The following CTNNA2 variants were observed in gnomAD, a reference collection of about 807,000 sequenced individuals.
CTNNA2 encodes the protein catenin alpha-2.
CTNNA2 carries 42 observed loss-of-function variants against 101.0 expected under a neutral mutation model. The observed-to-expected ratio is 0.42, with a 90% CI of 0.32 to 0.54. The LOEUF is 0.54. CTNNA2 is among the 20% of genes least tolerant of loss of function. The pLI is 0.14. For synonymous variants in CTNNA2, 450 were observed against 456.4 expected (o/e 0.99, Z 0.18); for missense variants, 871 against 1,223.1 (o/e 0.71, Z 4.29).
chr2:79,299,773 C>T (rs573353684), intron 2 of CTNNA2, among the ~76,000 whole-genome samples: 4 of 152,238 alleles, frequency 2.6e-5, no homozygotes, highest in Admixed American at 2.6e-4. Flanking sequence ...AGACCTTAAG[C>T]AAAATTCTAA....
intron 7 of CTNNA2, among the ~76,000 whole-genome samples, chr2:80,079,589 A>G (rs570345279): frequency 1.3e-5 from 2 of 152,210 alleles, no homozygotes; most frequent in Admixed American, 6.5e-5. Context: ...TGAGGCGGGC[A>G]GATCACAAGG....
rs889322477 is a variant in CTNNA2 at position 80,362,707 on chromosome 2, G to A, written c.1057-30504G>A. Among the ~76,000 whole-genome samples, 5 of 152,154 alleles carry A rather than the reference G, an allele frequency of 3.3e-5. No homozygotes were observed. The East Asian group carries it at 7.7e-4, about 24-fold the overall frequency. Reference sequence around the variant, plus strand: ...AAAATGTGTCAGCTCTACATTTATCGGTTGGAGTTGAACATTTACTCTCTC... The same window carrying A: ...AAAATGTGTCAGCTCTACATTTATCAGTTGGAGTTGAACATTTACTCTCTC... On this transcript the variant is annotated intron_variant, in intron 7 of 18. Coordinates refer to ENST00000402739, the MANE Select transcript of CTNNA2 (RefSeq NM_001282597.3).
chr2:79,846,967 A>G (rs1360643089), intron 3 of CTNNA2, among the ~76,000 whole-genome samples: 1 of 152,228 alleles, frequency 6.6e-6, no homozygotes, highest in Non-Finnish European at 1.5e-5. Context: ...TAGTGTGGGA[A>G]CAAACAAATC....
chr2:79,669,101 T>G (rs1682647376), intron 2 of CTNNA2, among the ~76,000 whole-genome samples: 1 of 152,216 alleles, frequency 6.6e-6, no homozygotes, highest in Admixed American at 6.5e-5. Context: ...GAAGCATTAG[T>G]ACATTTTGAA....
intron 1 of CTNNA2, among the ~76,000 whole-genome samples, chr2:79,564,802 TTTC>T (rs1042351912): frequency 7.2e-5 from 11 of 152,274 alleles, no homozygotes; most frequent in South Asian, 4.1e-4. Flanking sequence ...AAGTTATATT[TTTC>T]TTCTTCTTCT....
chr2:80,097,340 C>G (rs568337656), intron 7 of CTNNA2, among the ~76,000 whole-genome samples: 1 of 152,316 alleles, frequency 6.6e-6, no homozygotes, highest in East Asian at 1.9e-4. Context: ...GGCCCCCATT[C>G]TTTTCTCGCT....
rs1685216818 is a variant in CTNNA2, at chr2:80,470,539, G to T, written c.1290+50938G>T. 2.0e-5 allele frequency among the ~76,000 whole-genome samples: 3 copies of T among 152,070 alleles called. No individual in the cohort carries two copies. The South Asian group carries it at 6.2e-4, about 32-fold the overall frequency. The stretch of plus-strand genomic sequence containing the variant: ...TCCCCTACACCCAGCTCTCCTCCTG[G>T]CCAGGGTCTTGCTCTATACTGGACT... On this transcript the variant is annotated intron_variant, in intron 9 of 18. Transcript: ENST00000402739.
chr2:80,648,517 T>TAAAC lies in CTNNA2; in HGVS notation c.*647_*650dup, dbSNP rs1358098990. On this transcript the variant is annotated 3_prime_UTR_variant, in exon 19 of 19. Coordinates refer to ENST00000402739, the MANE Select transcript of CTNNA2 (RefSeq NM_001282597.3). ...TTTTTCCCCCCTTTAATGAAAACAATAAACATCTATTTGAGACAATTAAAA... is the reference window on the plus strand; with the variant it reads ...TTTTTCCCCCCTTTAATGAAAACAATAAACAAACATCTATTTGAGACAATTAAAA... 2 of 152,584 alleles carry TAAAC rather than the reference T, an allele frequency of 1.3e-5. No homozygotes were observed. Among genetic ancestry groups the TAAAC allele is most frequent in the African/African-American group, 2.4e-5 (1 of 41,440 alleles). 9.5% of individuals were successfully genotyped at this position (152,584 alleles called of 1,614,324 possible).
intron 7 of CTNNA2, among the ~76,000 whole-genome samples, chr2:79,928,346 T>C (rs1687169416): frequency 2.0e-5 from 3 of 152,338 alleles, no homozygotes; most frequent in South Asian, 2.1e-4. Flanking sequence ...GTATCCATTT[T>C]ATACAAAACA....
At chr2:79,728,603 G>T (rs1050792640) in intron 2 of CTNNA2, among the ~76,000 whole-genome samples, 47 of 152,180 alleles carry the variant, frequency 3.1e-4, no homozygotes, top group African/African-American at 4.1e-4. Context: ...GTCAATTTTG[G>T]CTTTTGTTGC....
intron 7 of CTNNA2, among the ~76,000 whole-genome samples, chr2:80,246,889 T>C (rs1331535080): frequency 6.6e-6 from 1 of 152,212 alleles, no homozygotes; most frequent in African/African-American, 2.4e-5. Context: ...TTGTCTAAGA[T>C]AAGAATCAAG....
chr2:79,477,160 TTTTTTTTC>T (rs1433482057), intron 4 of CTNNA2, among the ~76,000 whole-genome samples: 1 of 88,844 alleles, frequency 1.1e-5, no homozygotes, highest in African/African-American at 5.7e-5. Context: ...CTTTTTTTTC[TTTTTTTTC>T]TTTTTTTTTT....
intron 7 of CTNNA2, among the ~76,000 whole-genome samples, chr2:80,179,761 A>G (rs1705649120): frequency 6.6e-6 from 1 of 152,146 alleles, no homozygotes. Flanking sequence ...TTTTTGATTT[A>G]CTATCTTTCT....
At position 79,915,814 on chromosome 2, in the gene CTNNA2, G is replaced by T. The variant is rs548004311; in HGVS notation, c.1056+6017G>T. Among the ~76,000 whole-genome samples, 6 of 152,102 alleles carry T rather than the reference G, an allele frequency of 3.9e-5. No individual in the cohort carries two copies. The South Asian group carries it at 1.0e-3, about 26-fold the overall frequency. On this transcript the variant is annotated intron_variant, in intron 7 of 18. Coordinates refer to ENST00000402739, the MANE Select transcript of CTNNA2 (RefSeq NM_001282597.3). ...TTTTTATCTATCAGAATTTATTTAA[G>T]TTGGCTGTATATTACTGCCGAGAGA...
chr2:79,842,481 G>A (rs1383200818), intron 3 of CTNNA2, among the ~76,000 whole-genome samples: 1 of 152,022 alleles, frequency 6.6e-6, no homozygotes, highest in Non-Finnish European at 1.5e-5. Flanking sequence ...AGCATCATCC[G>A]CTTCTAAGTC....
intron 7 of CTNNA2, among the ~76,000 whole-genome samples, chr2:80,046,351 G>A (rs1366946782): frequency 3.9e-5 from 6 of 151,990 alleles, no homozygotes; most frequent in African/African-American, 1.5e-4. Context: ...AGGTATATAT[G>A]TCTCCATCCA....
intron 7 of CTNNA2, among the ~76,000 whole-genome samples, chr2:80,026,768 A>G (rs1042939910): frequency 6.6e-6 from 1 of 152,224 alleles, no homozygotes; most frequent in Admixed American, 6.5e-5. Flanking sequence ...TAGCTGAAAT[A>G]CTATTACAAA....
intron 18 of CTNNA2, 117 bp from the exon 19 acceptor site, chr2:80,647,467 CA>C (rs1335735582): frequency 2.2e-6 from 2 of 895,154 alleles, no homozygotes; most frequent in African/African-American, 1.7e-5. Flanking sequence ...TGCTCCTTTT[CA>C]GCAATACTAT....
chr2:80,334,159 C>G (rs1676473847), intron 7 of CTNNA2, among the ~76,000 whole-genome samples: 1 of 152,178 alleles, frequency 6.6e-6, no homozygotes, highest in Admixed American at 6.5e-5. Context: ...CTGATGCTTC[C>G]TCCCTAATCT....
Sources: gnomAD v4.1 joint callset for allele counts (sites outside exome capture counted in the v4.1 genomes callset) on GRCh38, gnomAD v4.1.1 for gene constraint, MANE v1.5 for transcripts, NCBI Gene and HGNC (gene_info 2026-07-23, HGNC 2026-07-21) for gene names.